Variants in NELL1 observed in about 807,000 individuals in gnomAD.
NELL1 encodes neural EGFL like 1, also known as protein kinase C-binding protein NELL1.
A neutral mutation model predicts 107.4 loss-of-function variants in NELL1; 76 were observed. The observed-to-expected ratio is 0.71, with a 90% confidence interval of 0.59 to 0.86. The LOEUF (loss-of-function observed/expected upper bound fraction) is 0.86, where lower values mean the gene tolerates loss of function less well. Ranked by LOEUF, NELL1 falls within the 40% of genes least tolerant of loss-of-function variation. NELL1 has a pLI of 0.00. For missense variants in NELL1, 1,024 were observed against 1,005.5 expected, an observed-to-expected ratio of 1.02 and a Z score of -0.25; for synonymous variants, 353 against 341.2, an observed-to-expected ratio of 1.03 and a Z score of -0.38.
chr11:21,467,764 G>A (rs542144887), intron 15 of NELL1, among the ~76,000 whole-genome samples: 2 of 152,134 alleles, frequency 1.3e-5, no homozygotes, highest in Admixed American at 1.3e-4. Flanking sequence ...TCGTAACAGG[G>A]AGCATGGGGT....
At chr11:21,325,146 C>G (rs535830901) in intron 14 of NELL1, among the ~76,000 whole-genome samples, 1 of 152,170 alleles carries the variant, frequency 6.6e-6, no homozygotes, top group East Asian at 1.9e-4. Flanking sequence ...ACCGATAATT[C>G]CATCACTCAG....
intron 15 of NELL1, among the ~76,000 whole-genome samples, chr11:21,460,662 T>G (rs1853878085): frequency 6.6e-6 from 1 of 152,098 alleles, no homozygotes; most frequent in African/African-American, 2.4e-5. Context: ...TCTCCAATTC[T>G]TAGCCCTCCA....
At chr11:21,318,025 C>T (rs1372714012) in intron 14 of NELL1, among the ~76,000 whole-genome samples, 3 of 152,022 alleles carry the variant, frequency 2.0e-5, no homozygotes, top group Non-Finnish European at 4.4e-5. Context: ...CAAATGAAGG[C>T]TATCATTTCC....
intron 12 of NELL1, among the ~76,000 whole-genome samples, chr11:21,001,569 C>T (rs538313019): frequency 6.6e-6 from 1 of 151,948 alleles, no homozygotes; most frequent in East Asian, 2.0e-4. Flanking sequence ...TATTTGGGTT[C>T]TCTGGGAAGC....
intron 14 of NELL1, among the ~76,000 whole-genome samples, chr11:21,242,510 C>A (rs1025684645): frequency 6.6e-6 from 1 of 152,050 alleles, no homozygotes; most frequent in Non-Finnish European, 1.5e-5. Context: ...TTGTTTGGTT[C>A]CAGCAGCCTC....
intron 11 of NELL1, among the ~76,000 whole-genome samples, chr11:20,951,056 G>C (rs1851059608): frequency 6.6e-6 from 1 of 152,142 alleles, no homozygotes; most frequent in African/African-American, 2.4e-5. Flanking sequence ...AGTTTTCCAA[G>C]GTTTATTTTC....
At chr11:21,490,124 A>T (rs1271697820) in intron 15 of NELL1, among the ~76,000 whole-genome samples, 1 of 152,260 alleles carries the variant, frequency 6.6e-6, no homozygotes, top group South Asian at 2.1e-4. Context: ...TACAAAAATC[A>T]GTAGCATTTC....
intron 14 of NELL1, among the ~76,000 whole-genome samples, chr11:21,328,107 A>T (rs1850185558): frequency 6.6e-6 from 1 of 152,192 alleles, no homozygotes; most frequent in Non-Finnish European, 1.5e-5. Context: ...GACAATGGGG[A>T]AAATGTCTCC....
At chr11:21,283,026 A>G (rs1315608728) in intron 14 of NELL1, among the ~76,000 whole-genome samples, 1 of 152,050 alleles carries the variant, frequency 6.6e-6, no homozygotes, top group East Asian at 1.9e-4. Flanking sequence ...AGAAGCTGGG[A>G]AGGATAGTGG....
intron 10 of NELL1, among the ~76,000 whole-genome samples, chr11:20,942,183 G>A (rs530666977): frequency 1.3e-5 from 2 of 152,346 alleles, no homozygotes; most frequent in East Asian, 3.9e-4. Flanking sequence ...GAGCTGGGAA[G>A]GAAAGACATT....
intron 16 of NELL1, among the ~76,000 whole-genome samples, chr11:21,556,137 A>T: frequency 6.6e-6 from 1 of 151,830 alleles, no homozygotes; most frequent in East Asian, 2.0e-4. Flanking sequence ...TTGGAGAGGG[A>T]TCTGTTCTCT....
chr11:20,872,671 G>GT (rs1554935711), intron 4 of NELL1, among the ~76,000 whole-genome samples: 1 of 137,094 alleles, frequency 7.3e-6, no homozygotes, highest in East Asian at 2.3e-4. Flanking sequence ...CAGTGTTTGA[G>GT]GTGTGTGTGT....
intron 4 of NELL1, among the ~76,000 whole-genome samples, chr11:20,857,594 A>G (rs544637146): frequency 1.3e-5 from 2 of 152,310 alleles, no homozygotes; most frequent in East Asian, 3.9e-4. Context: ...AGGACACAGC[A>G]CCAAGAAGGA....
At chr11:21,319,233 T>C (rs976120056) in intron 14 of NELL1, among the ~76,000 whole-genome samples, 20 of 151,792 alleles carry the variant, frequency 1.3e-4, no homozygotes, top group Admixed American at 1.3e-3. Flanking sequence ...TGGAGTGCAG[T>C]GACATGATCT....
intron 9 of NELL1, among the ~76,000 whole-genome samples, chr11:20,929,175 T>C (rs925657391): frequency 6.6e-6 from 1 of 152,188 alleles, no homozygotes; most frequent in Non-Finnish European, 1.5e-5. Flanking sequence ...ACAAAGCCCA[T>C]AGCCTTTTTA....
intron 2 of NELL1, among the ~76,000 whole-genome samples, chr11:20,720,329 T>A (rs1029116393): frequency 6.6e-6 from 1 of 151,380 alleles, no homozygotes; most frequent in Non-Finnish European, 1.5e-5. Flanking sequence ...TGCCTCAGCC[T>A]CCCGAGTAGC....
intron 14 of NELL1, among the ~76,000 whole-genome samples, chr11:21,295,621 G>T (rs917095966): frequency 1.3e-5 from 2 of 151,994 alleles, no homozygotes; most frequent in Admixed American, 1.3e-4. Context: ...ATCACTAAAG[G>T]CTCAGTTGGG....
intron 10 of NELL1, among the ~76,000 whole-genome samples, chr11:20,938,966 A>G (rs889574375): frequency 2.0e-5 from 3 of 147,154 alleles, no homozygotes; most frequent in Admixed American, 6.8e-5. Flanking sequence ...GTGTGTGTGC[A>G]TGCACGTGTG....
At chr11:21,218,192 C>T (rs2133868645) in intron 13 of NELL1, among the ~76,000 whole-genome samples, 1 of 152,118 alleles carries the variant, frequency 6.6e-6, no homozygotes, top group South Asian at 2.1e-4. Flanking sequence ...AGTCTTATTT[C>T]CTGGGGACTA....
Sources: allele counts gnomAD v4.1 joint callset (sites outside exome capture counted in the v4.1 genomes callset), GRCh38; gene constraint gnomAD v4.1.1; transcripts MANE v1.5; gene names NCBI Gene and HGNC (gene_info 2026-07-23, HGNC 2026-07-21).